The following PSD3 variants were observed in gnomAD, a reference collection of about 807,000 sequenced individuals.
The protein encoded by PSD3 is pleckstrin and Sec7 domain containing 3, also known as PH and SEC7 domain-containing protein 3.
In PSD3, 49 loss-of-function variants were observed where a neutral mutation model predicts 105.5. The observed-to-expected ratio is 0.46, with a 90% confidence interval of 0.37 to 0.59. The LOEUF (loss-of-function observed/expected upper bound fraction) is 0.59. PSD3 is among the 20% of genes least tolerant of loss of function. PSD3 has a pLI of 0.00. For synonymous variants in PSD3, 557 were observed against 457.8 expected (o/e 1.22, Z -2.77); for missense variants, 1,561 against 1,263.8 (o/e 1.24, Z -3.57).
intron 10 of PSD3, 41 bp downstream of exon 10, chr8:18,655,601 G>A: frequency 1.3e-6 from 2 of 1,582,028 alleles, no homozygotes; most frequent in Non-Finnish European, 1.7e-6. Flanking sequence ...GGAAAAAAGT[G>A]AGTAGTTCAT....
At chr8:18,720,745 G>A (rs753481062) in intron 9 of PSD3, among the ~76,000 whole-genome samples, 19 of 152,182 alleles carry the variant, frequency 1.2e-4, no homozygotes, top group Non-Finnish European at 2.2e-4. Context: ...CAGGAGCGCC[G>A]ATGCATTTGC....
chr8:18,574,809 G>A (rs1423221329), intron 13 of PSD3, among the ~76,000 whole-genome samples: 1 of 152,106 alleles, frequency 6.6e-6, no homozygotes, highest in Admixed American at 6.6e-5. Flanking sequence ...GTGTTATCTA[G>A]GTCTGTTTTA....
At chr8:18,895,009 G>A (rs550917070) in intron 2 of PSD3, among the ~76,000 whole-genome samples, 41 of 152,308 alleles carry the variant, frequency 2.7e-4, no homozygotes, top group African/African-American at 9.6e-4. Flanking sequence ...AGGCCATGCT[G>A]TTACATATCT....
At chr8:18,936,228 G>T in intron 1 of PSD3, 86 bp from the exon 2 acceptor site, 1 of 880,008 alleles carries the variant, frequency 1.1e-6, no homozygotes, top group Non-Finnish European at 1.9e-6. Context: ...CATGAGATTG[G>T]TAAAATAATT....
intron 15 of PSD3, among the ~76,000 whole-genome samples, chr8:18,555,173 G>A (rs1428882632): frequency 3.3e-5 from 5 of 152,082 alleles, no homozygotes; most frequent in Admixed American, 6.6e-5. Flanking sequence ...ATGAACGGAA[G>A]GAGAGCGGAG....
intron 4 of PSD3, among the ~76,000 whole-genome samples, chr8:18,822,208 A>G (rs1309930745): frequency 6.6e-6 from 1 of 152,172 alleles, no homozygotes; most frequent in Non-Finnish European, 1.5e-5. Flanking sequence ...TTTTCTACAC[A>G]GAAACTTTGG....
chr8:18,788,088 CTA>C (rs1809356981), intron 8 of PSD3, among the ~76,000 whole-genome samples: 1 of 152,150 alleles, frequency 6.6e-6, no homozygotes, highest in Admixed American at 6.5e-5. Flanking sequence ...TGGATTTTGC[CTA>C]TGAGTCATAA....
chr8:18,877,304 C>T (rs1246877720), intron 2 of PSD3, among the ~76,000 whole-genome samples: 1 of 152,158 alleles, frequency 6.6e-6, no homozygotes, highest in African/African-American at 2.4e-5. Flanking sequence ...TTTGCTATTA[C>T]ATTTAGCTCT....
chr8:18,701,786 A>C (rs1801596149), intron 9 of PSD3, among the ~76,000 whole-genome samples: 1 of 152,236 alleles, frequency 6.6e-6, no homozygotes, highest in Admixed American at 6.5e-5. Flanking sequence ...AGAGCTTTAC[A>C]ACTGCATAGC....
chr8:18,940,390 C>T (rs1386199169), intron 1 of PSD3: 1 of 152,180 alleles, frequency 6.6e-6, no homozygotes, highest in Non-Finnish European at 1.5e-5. Flanking sequence ...CTTTGAGGAG[C>T]AAGGCTTGAA....
chr8:18,937,630 C>T lies in PSD3; in HGVS notation c.22-1488G>A, dbSNP rs111601211. On this transcript the variant is annotated intron_variant, in intron 1 of 15. Coordinates refer to ENST00000327040, the MANE Select transcript of PSD3 (RefSeq NM_015310.4). ...CCACAATCACTTAATGTTCATAACGCGTCAAATGTATCGGTCTGAAAAAAG... is the reference window on the plus strand; with the variant it reads ...CCACAATCACTTAATGTTCATAACGTGTCAAATGTATCGGTCTGAAAAAAG... Among the ~76,000 whole-genome samples, 748 of 152,236 alleles carry T rather than the reference C, an allele frequency of 4.9e-3. 6 individuals are homozygous for T. The highest frequency in any genetic ancestry group is 0.017 in the African/African-American group (701 of 41,542).
chr8:18,800,989 A>C (rs1350326090), intron 7 of PSD3: 1 of 197,690 alleles, frequency 5.1e-6, no homozygotes, highest in African/African-American at 2.3e-5. Flanking sequence ...AATTTAAGTA[A>C]GAGTAGAGGA....
At chr8:18,891,011 G>C (rs959243942) in intron 2 of PSD3, among the ~76,000 whole-genome samples, 5 of 152,180 alleles carry the variant, frequency 3.3e-5, no homozygotes, top group Admixed American at 6.5e-5. Flanking sequence ...GATCAAAAAA[G>C]AGCAGGAAGC....
At chr8:18,748,604 G>A (rs956127197) in intron 9 of PSD3, among the ~76,000 whole-genome samples, 2 of 148,242 alleles carry the variant, frequency 1.3e-5, no homozygotes, top group Non-Finnish European at 1.5e-5. Flanking sequence ...AGCTTGCAGT[G>A]AGCTGAGATC....
At chr8:18,557,323 C>T (rs570111598) in intron 14 of PSD3, among the ~76,000 whole-genome samples, 1 of 152,130 alleles carries the variant, frequency 6.6e-6, no homozygotes, top group African/African-American at 2.4e-5. Context: ...TTGTAGAACA[C>T]AAAAATCTTG....
chr8:18,758,196 T>C (rs6586762), intron 9 of PSD3, among the ~76,000 whole-genome samples: 95,361 of 152,052 alleles, frequency 0.63, 34,877 homozygotes, highest in Non-Finnish European at 0.83. Context: ...CCAGCTATAC[T>C]TGTACTCAGC....
rs1802212576 is a variant in PSD3, at chr8:18,572,615, A to G, written c.2697T>C (p.Phe899=). 4 of 1,614,098 alleles carry G rather than the reference A, an allele frequency of 2.5e-6. No homozygotes were observed. Among genetic ancestry groups the G allele is most frequent in the Non-Finnish European group, 3.4e-6 (4 of 1,179,956 alleles). The change falls in exon 14 of 16, where the codon TTT becomes TTC. Residue 899 remains phenylalanine, a synonymous_variant. Coordinates refer to ENST00000327040, the MANE Select transcript of PSD3 (RefSeq NM_015310.4). ...TTGCTGCTGGAAATGGTGGTGCAGA[A>G]AATACAGCTGCCACACAATTGATTT... ...INKINCVAAV[F]SAPPFPAAIG...
At chr8:18,899,712 T>C (rs376477498) in intron 2 of PSD3, among the ~76,000 whole-genome samples, 1 of 152,250 alleles carries the variant, frequency 6.6e-6, no homozygotes, top group East Asian at 1.9e-4. Flanking sequence ...GCAAGGTACT[T>C]CCTGAACTTA....
intron 15 of PSD3, among the ~76,000 whole-genome samples, chr8:18,548,704 C>G (rs192666225): frequency 6.6e-6 from 1 of 152,294 alleles, no homozygotes; most frequent in East Asian, 1.9e-4. Flanking sequence ...GACTGTATGA[C>G]AGGTAGTTTG....
Sources: allele counts gnomAD v4.1 joint callset (sites outside exome capture counted in the v4.1 genomes callset), GRCh38; gene constraint gnomAD v4.1.1; transcripts MANE v1.5; gene names NCBI Gene and HGNC (gene_info 2026-07-23, HGNC 2026-07-21).